The following DAB1 variants were observed in gnomAD, a reference collection of about 807,000 sequenced individuals.
DAB1 encodes the protein DAB adaptor protein 1.
DAB1 carries 15 observed loss-of-function variants against 64.6 expected under a neutral mutation model. The ratio of observed to expected loss-of-function variants is 0.23; its 90% CI spans 0.16 to 0.36. The LOEUF (loss-of-function observed/expected upper bound fraction) is 0.36, where lower values mean the gene tolerates loss of function less well. DAB1 is among the 10% of genes least tolerant of loss of function. The pLI is 1.00. For synonymous variants in DAB1, 235 were observed against 251.9 expected (o/e 0.93, Z 0.64); for missense variants, 596 against 706.7 (o/e 0.84, Z 1.78).
intron 7 of DAB1, among the ~76,000 whole-genome samples, chr1:57,498,789 T>A (rs1456855010): frequency 1.3e-5 from 2 of 152,018 alleles, no homozygotes; most frequent in East Asian, 3.9e-4. Context: ...TGGAAGGAAG[T>A]TTATTTATTG....
At chr1:58,250,229 T>C (rs938439338) in intron 4 of DAB1, among the ~76,000 whole-genome samples, 38 of 152,004 alleles carry the variant, frequency 2.5e-4, no homozygotes, top group Non-Finnish European at 1.5e-4. Context: ...GGGCGCAACA[T>C]ATTCTCCTAC....
At position 58,517,603 on chromosome 1, in the gene DAB1, T is replaced by C. The variant is rs191285352; in HGVS notation, n.107+9658A>G. On this transcript the variant is annotated intron_variant and non_coding_transcript_variant, in intron 2 of 20. Transcript: ENST00000485760. ...GAATGTTTCCTGTATCTCCAATTCA[T>C]AATACTTCAAACTTTGTTAAAATTA... Among the ~76,000 whole-genome samples, 20 of 152,326 alleles carry C rather than the reference T, an allele frequency of 1.3e-4. No individual in the cohort carries two copies. In the East Asian group the frequency reaches 3.5e-3, roughly 26 times the overall value.
chr1:57,845,174 C>T (rs1653224967), intron 1 of DAB1, among the ~76,000 whole-genome samples: 1 of 152,130 alleles, frequency 6.6e-6, no homozygotes, highest in Non-Finnish European at 1.5e-5. Flanking sequence ...GAGGAATCCA[C>T]TTACATGTGA....
intron 2 of DAB1, among the ~76,000 whole-genome samples, chr1:58,510,421 A>T (rs1646055341): frequency 6.6e-6 from 1 of 152,136 alleles, no homozygotes; most frequent in Non-Finnish European, 1.5e-5. Context: ...ACAAAATTAA[A>T]CATCCTTTCA....
At chr1:57,623,318 A>G (rs1486547778) in intron 7 of DAB1, among the ~76,000 whole-genome samples, 1 of 152,162 alleles carries the variant, frequency 6.6e-6, no homozygotes, top group Non-Finnish European at 1.5e-5. Flanking sequence ...CCGAGGCAGG[A>G]AGGTCTCTGT....
intron 1 of DAB1, among the ~76,000 whole-genome samples, chr1:57,872,227 A>C (rs567152460): frequency 5.9e-5 from 9 of 152,304 alleles, no homozygotes; most frequent in Admixed American, 5.9e-4. Context: ...CATGTGTTAA[A>C]ACCTAATTTC....
intron 4 of DAB1, among the ~76,000 whole-genome samples, chr1:58,200,366 C>T (rs934335026): frequency 6.6e-6 from 1 of 152,202 alleles, no homozygotes; most frequent in Non-Finnish European, 1.5e-5. Flanking sequence ...TGTCCACCCA[C>T]TCACCTCCTC....
chr1:57,967,315 T>C (rs1014145607), intron 5 of DAB1, among the ~76,000 whole-genome samples: 2 of 152,206 alleles, frequency 1.3e-5, no homozygotes, highest in African/African-American at 4.8e-5. Flanking sequence ...AAAATAGGTG[T>C]TGCTTTGTTA....
intron 5 of DAB1, among the ~76,000 whole-genome samples, chr1:58,043,818 C>A (rs1007938716): frequency 6.6e-6 from 1 of 152,104 alleles, no homozygotes; most frequent in African/African-American, 2.4e-5. Flanking sequence ...ACCTCCACCT[C>A]CCAGGTTCAA....
chr1:57,928,271 A>G (rs1229565262), intron 5 of DAB1, among the ~76,000 whole-genome samples: 2 of 152,010 alleles, frequency 1.3e-5, no homozygotes, highest in East Asian at 3.9e-4. Context: ...GGCAACCACT[A>G]TTTTATTTCT....
intron 6 of DAB1, among the ~76,000 whole-genome samples, chr1:57,658,564 A>C (rs1175756907): frequency 6.7e-6 from 1 of 149,284 alleles, no homozygotes; most frequent in Non-Finnish European, 1.5e-5. Context: ...CGGCCTCCCA[A>C]AGTTTCTTAT....
chr1:57,171,708 G>A (rs1204475286), intron 2 of DAB1, among the ~76,000 whole-genome samples: 3 of 152,110 alleles, frequency 2.0e-5, no homozygotes, highest in African/African-American at 4.8e-5. Context: ...TATGTTCTCC[G>A]TAGAGGGTCA....
intron 2 of DAB1, among the ~76,000 whole-genome samples, chr1:57,177,675 T>A (rs11206992): frequency 0.27 from 41,523 of 152,104 alleles, 9,029 homozygotes; most frequent in African/African-American, 0.61. Flanking sequence ...CTATTCCATA[T>A]AAGGTAAGTG....
chr1:57,119,765 T>C (rs1304714447), intron 4 of DAB1, among the ~76,000 whole-genome samples: 1 of 152,048 alleles, frequency 6.6e-6, no homozygotes, highest in Non-Finnish European at 1.5e-5. Context: ...TCCCCAACCA[T>C]GTGGGCGGTT....
chr1:57,014,171 GC>G (rs2100320373), intron 12 of DAB1, among the ~76,000 whole-genome samples: 1 of 152,298 alleles, frequency 6.6e-6, no homozygotes, highest in East Asian at 1.9e-4. Flanking sequence ...GGAAACCAAG[GC>G]TCATAGAAAT....
intron 6 of DAB1, among the ~76,000 whole-genome samples, chr1:57,650,760 T>C (rs191216646): frequency 6.7e-4 from 102 of 152,286 alleles, no homozygotes; most frequent in Non-Finnish European, 1.3e-3. Context: ...CTGTACCACT[T>C]TTCTCAATTA....
chr1:57,481,722 CAGG>C (rs1161448780), intron 7 of DAB1, among the ~76,000 whole-genome samples: 1 of 151,384 alleles, frequency 6.6e-6, no homozygotes, highest in Non-Finnish European at 1.5e-5. Flanking sequence ...GAGGCTAAGG[CAGG>C]AGAATTGCTG....
intron 1 of DAB1, among the ~76,000 whole-genome samples, chr1:57,337,859 T>C (rs1412295357): frequency 1.4e-5 from 2 of 143,728 alleles, no homozygotes; most frequent in African/African-American, 5.2e-5. Context: ...CCCTTTCCCT[T>C]TCCCTTCCCT....
intron 3 of DAB1, among the ~76,000 whole-genome samples, chr1:58,501,041 AC>A (rs1645898868): frequency 6.6e-6 from 1 of 152,166 alleles, no homozygotes; most frequent in African/African-American, 2.4e-5. Flanking sequence ...TCATTTTTTC[AC>A]CCAAGTTGTT....
Sources: gnomAD v4.1 joint callset for allele counts (sites outside exome capture counted in the v4.1 genomes callset) on GRCh38, gnomAD v4.1.1 for gene constraint, MANE v1.5 for transcripts, NCBI Gene and HGNC (gene_info 2026-07-23, HGNC 2026-07-21) for gene names.